Variants in ESF1 observed in about 807,000 individuals in gnomAD.
ESF1 encodes ESF1 nucleolar pre-rRNA processing protein.
In ESF1, 58 loss-of-function variants were observed where a neutral mutation model predicts 92.0. The ratio of observed to expected loss-of-function variants is 0.63; its 90% CI spans 0.51 to 0.78. ESF1 has a LOEUF of 0.78. ESF1 is among the 30% of genes least tolerant of loss of function. The probability of loss-of-function intolerance (pLI) is 0.00; values close to 1 mark genes in which losing one functional copy is unlikely to be tolerated. For synonymous variants in ESF1, 321 were observed against 313.7 expected (o/e 1.02, Z -0.24); for missense variants, 922 against 989.1 (o/e 0.93, Z 0.91).
intron 9 of ESF1, among the ~76,000 whole-genome samples, chr20:13,758,244 T>C (rs117299050): frequency 0.012 from 1,902 of 152,340 alleles, 19 homozygotes; most frequent in Non-Finnish European, 0.021. Context: ...ATTTACATAT[T>C]CTGCAAGTAT....
At chr20:13,753,026 G>C (rs1408905249) in intron 9 of ESF1, among the ~76,000 whole-genome samples, 1 of 152,072 alleles carries the variant, frequency 6.6e-6, no homozygotes, top group African/African-American at 2.4e-5. Flanking sequence ...AGAACTCTGT[G>C]TGCTCCTGCC....
rs372695561 is a variant in ESF1, at chr20:13,717,518, T to C, written c.2116-4A>G. The C allele has an allele frequency of 3.3e-5, 54 of 1,612,538 alleles. No homozygotes were observed. The highest frequency in any genetic ancestry group is 5.0e-5 in the Admixed American group (3 of 59,766). ...TCATAAGCAAAGCCATTTCAGCCTG[T>C]AGAGAGCAAAAAAAAGTTCAAATGT... On this transcript the variant is annotated splice_region_variant and splice_polypyrimidine_tract_variant and intron_variant, in intron 12 of 13. Transcript: ENST00000617257.
At chr20:13,757,286 C>T (rs1182100494) in intron 9 of ESF1, among the ~76,000 whole-genome samples, 1 of 152,064 alleles carries the variant, frequency 6.6e-6, no homozygotes, top group Non-Finnish European at 1.5e-5. Flanking sequence ...AGATAAGGTA[C>T]CATGACCAAG....
In ESF1 at chr20:13,775,984, AT is replaced by A; in HGVS notation, c.923del (p.Asn308IlefsTer2). 1.2e-6 allele frequency: 2 copies of A among 1,613,862 alleles called. No homozygotes were observed. Among genetic ancestry groups the A allele is most frequent in the Non-Finnish European group, 1.7e-6 (2 of 1,179,904 alleles). ...CTTCATCTTCAGAACTAGTTTCTAT[AT>A]TTCCTTTACCCCTTGCAAGATCAGG... ...SGPDLARGKG[N>X]IETSSEDEDD... On this transcript the variant is annotated frameshift_variant, in exon 3 of 14. Coordinates refer to ENST00000617257, the MANE Select transcript of ESF1 (RefSeq NM_001276380.2). LOFTEE classifies it high-confidence loss of function.
At chr20:13,715,787 G>A (rs1901662304) in intron 13 of ESF1, among the ~76,000 whole-genome samples, 1 of 152,154 alleles carries the variant, frequency 6.6e-6, no homozygotes, top group Non-Finnish European at 1.5e-5. Context: ...GCCAGCCTTT[G>A]AGGGCTGCCA....
rs548113926 is a variant in ESF1, at chr20:13,739,573, A to T, written c.1829-5731T>A. 3.0e-4 allele frequency among the ~76,000 whole-genome samples: 45 copies of T among 152,312 alleles called. No homozygotes were observed. In the South Asian group the frequency reaches 4.6e-3, roughly 15 times the overall value. On this transcript the variant is annotated intron_variant, in intron 9 of 13. Coordinates refer to ENST00000617257, the MANE Select transcript of ESF1 (RefSeq NM_001276380.2). The stretch of plus-strand genomic sequence containing the variant: ...CCAAGTCTGGTGAAGTCATTCTGCT[A>T]ATTAGTTTACGGCAAAGAAGACTGA...
intron 9 of ESF1, among the ~76,000 whole-genome samples, chr20:13,757,596 T>A (rs1015740949): frequency 1.3e-5 from 2 of 152,016 alleles, no homozygotes; most frequent in Non-Finnish European, 2.9e-5. Flanking sequence ...GATGGAACAG[T>A]TTTGCCATGC....
intron 2 of ESF1, among the ~76,000 whole-genome samples, chr20:13,776,878 A>G (rs933258685): frequency 2.0e-5 from 3 of 152,218 alleles, no homozygotes; most frequent in African/African-American, 7.2e-5. Context: ...AATAGGAAAA[A>G]GCCAACCATC....
At position 13,714,380 on chromosome 20, in the gene ESF1, G is replaced by A. The variant is rs1486744903; in HGVS notation, c.*494C>T. On this transcript the variant is annotated 3_prime_UTR_variant, in exon 14 of 14. Transcript: ENST00000617257. Reference sequence around the variant, plus strand: ...TAATTTCATAAACTATACTTAACATGACTAAACAACAAAAAGTTCTTGACT... The same window carrying A: ...TAATTTCATAAACTATACTTAACATAACTAAACAACAAAAAGTTCTTGACT... The A allele has an allele frequency of 6.6e-6, 1 of 152,194 alleles. No individual in the cohort carries two copies. Among genetic ancestry groups the A allele is most frequent in the African/African-American group, 2.4e-5 (1 of 41,392 alleles). The allele number at this position is 152,194 out of a possible 1,614,324, so 9.4% of individuals were successfully genotyped here. A position where few individuals can be genotyped will look rare whatever the true frequency, so the allele number is the denominator to read the frequency against.
rs562764412 is a variant in ESF1, at chr20:13,774,267, CA to C, written c.1149+889del. On this transcript the variant is annotated intron_variant, in intron 4 of 13. Transcript: ENST00000617257. ...ACAGAATAATACAGGTTGAGCATCC[CA>C]AATCCCAAATCCAAAATTCCAAACT... 9.1e-3 allele frequency among the ~76,000 whole-genome samples: 574 copies of C among 63,028 alleles called. 4 individuals carry two copies. The highest frequency in any genetic ancestry group is 0.027 in the African/African-American group (526 of 19,502). The allele number at this position is 63,028 out of a possible 152,430, so 41.3% of individuals were successfully genotyped here.
intron 11 of ESF1, among the ~76,000 whole-genome samples, chr20:13,719,466 C>A (rs1179993721): frequency 6.6e-6 from 1 of 151,518 alleles, no homozygotes; most frequent in African/African-American, 2.4e-5. Context: ...TGAAAATAAC[C>A]AAAAAATTCC....
Position 13,782,735 on chromosome 20 carries a change from C to T in ESF1, c.406G>A (p.Gly136Arg). ...CATGAGGTTTTCATTTTTTTAATTC[C>T]TATAGAATTATCTAAATCAGTTTTA... is the stretch of plus-strand genomic sequence containing the variant. ...ENKTDLDNSI[G>R]IKKMKTSCKF... Residue 136 changes from glycine to arginine, a missense_variant, in exon 2 of 14, where the codon GGA (glycine) becomes AGA (arginine). By Grantham distance (125) the Gly-to-Arg change is moderately radical. Transcript: ENST00000617257. 2 of 1,590,534 alleles carry T rather than the reference C, an allele frequency of 1.3e-6. No individual in the cohort carries two copies. Among genetic ancestry groups the T allele is most frequent in the African/African-American group, 1.4e-5 (1 of 73,166 alleles).
In ESF1 at chr20:13,714,729, T is replaced by G; in HGVS notation, c.*145A>C. ...GTCATCCACAATTAAGTACAATTAT[T>G]TATGGAGAAAAATTTTACTATGTCC... On this transcript the variant is annotated 3_prime_UTR_variant, in exon 14 of 14. Transcript: ENST00000617257. 1.3e-6 allele frequency: 1 copy of G among 748,480 alleles called. No individual in the cohort carries two copies. Among genetic ancestry groups the G allele is most frequent in the Non-Finnish European group, 2.1e-6 (1 of 484,648 alleles). 46.4% of individuals were successfully genotyped at this position (748,480 alleles called of 1,614,324 possible).
intron 5 of ESF1, among the ~76,000 whole-genome samples, chr20:13,771,721 C>A (rs993430349): frequency 4.6e-5 from 7 of 151,898 alleles, no homozygotes; most frequent in African/African-American, 7.3e-5. Flanking sequence ...TGTGGGAATT[C>A]GTGTGTTTAT....
chr20:13,749,232 ATTTTTTTTTTT>A (rs71188184), intron 9 of ESF1, among the ~76,000 whole-genome samples: 4 of 89,664 alleles, frequency 4.5e-5, no homozygotes, highest in Admixed American at 1.5e-4. Context: ...TGCCCGGCTA[ATTTTTTTTTTT>A]TTTTTTTTTT....
At chr20:13,736,969 A>G (rs2049979443) in intron 9 of ESF1, among the ~76,000 whole-genome samples, 1 of 152,202 alleles carries the variant, frequency 6.6e-6, no homozygotes, top group African/African-American at 2.4e-5. Flanking sequence ...TGTTGTCATC[A>G]TGAGGTCATT....
chr20:13,748,556 A>ATGTG (rs1978418331), intron 9 of ESF1, among the ~76,000 whole-genome samples: 1 of 47,740 alleles, frequency 2.1e-5, no homozygotes, highest in African/African-American at 7.6e-5. Context: ...GTGTATATAT[A>ATGTG]TATATATATG....
chr20:13,719,228 T>A (rs2049851336), intron 11 of ESF1, among the ~76,000 whole-genome samples: 1 of 152,088 alleles, frequency 6.6e-6, no homozygotes, highest in African/African-American at 2.4e-5. Flanking sequence ...TAATGTATAA[T>A]TTACATTACC....
intron 11 of ESF1, among the ~76,000 whole-genome samples, chr20:13,726,806 A>C (rs1407197069): frequency 2.0e-5 from 3 of 151,716 alleles, no homozygotes; most frequent in African/African-American, 7.3e-5. Flanking sequence ...TTATGTAAAA[A>C]ATTCTGGCCT....
Sources: gnomAD v4.1 joint callset for allele counts (sites outside exome capture counted in the v4.1 genomes callset) on GRCh38, gnomAD v4.1.1 for gene constraint, MANE v1.5 for transcripts, NCBI Gene and HGNC (gene_info 2026-07-23, HGNC 2026-07-21) for gene names.